PCDH11Y: variants seen among roughly 807,000 people sequenced by gnomAD.
PCDH11Y encodes protocadherin 11 Y-linked.
For synonymous variants in PCDH11Y, 9 were observed against 83.6 expected (o/e 0.11, Z 4.87); for missense variants, 12 against 224.8 (o/e 0.05, Z 6.05).
intron 2 of PCDH11Y, among the ~76,000 whole-genome samples, chrY:5,201,803 T>C: frequency 3.0e-5 from 1 of 33,637 alleles, no homozygotes; most frequent in Non-Finnish European, 7.4e-5. Flanking sequence ...GTCATTGCTG[T>C]AGCATGGTTG....
chrY:5,730,860 CA>C (rs2053603731), intron 4 of PCDH11Y, among the ~76,000 whole-genome samples: 1 of 32,737 alleles, frequency 3.1e-5, no homozygotes, highest in Non-Finnish European at 7.6e-5. Flanking sequence ...GAGATGATCA[CA>C]TTTTTTTTAA....
intron 2 of PCDH11Y, among the ~76,000 whole-genome samples, chrY:5,242,425 TA>T (rs2052989651): frequency 5.5e-4 from 15 of 27,456 alleles, no homozygotes; most frequent in South Asian, 2.5e-3. Flanking sequence ...CCTTCAGATT[TA>T]AAAAAAAAAA....
chrY:5,283,988 A>G, intron 2 of PCDH11Y, among the ~76,000 whole-genome samples: 2 of 32,751 alleles, frequency 6.1e-5, no homozygotes, highest in Non-Finnish European at 1.5e-4. Flanking sequence ...TCTAGGATTC[A>G]GACATAGGTC....
rs2053409240 is a variant in PCDH11Y, at chrY:5,543,051, AG to A, written c.3329-38723del. Among the ~76,000 whole-genome samples, 4 of 34,160 alleles carry A rather than the reference AG, an allele frequency of 1.2e-4. No homozygotes were observed. In the East Asian group the frequency reaches 3.2e-3, roughly 27 times the overall value. 91.6% of individuals were successfully genotyped at this position (34,160 alleles called of 37,273 possible). Reference sequence around the variant, plus strand: ...AAAAATAAGCGCTCTGAGTCTTGGGAGATTCTGTCTGTGTACAAGCATGAAC... The same window carrying A: ...AAAAATAAGCGCTCTGAGTCTTGGGAATTCTGTCTGTGTACAAGCATGAAC... On this transcript the variant is annotated intron_variant, in intron 3 of 4. Transcript: ENST00000400457.
At chrY:5,379,421 G>A (rs1602915436) in intron 2 of PCDH11Y, among the ~76,000 whole-genome samples, 1 of 30,226 alleles carries the variant, frequency 3.3e-5, no homozygotes, top group African/African-American at 1.3e-4. Context: ...GAAACTCTGC[G>A]TAGAGAAAAG....
intron 2 of PCDH11Y, among the ~76,000 whole-genome samples, chrY:5,472,544 T>C: frequency 3.1e-5 from 1 of 32,496 alleles, no homozygotes; most frequent in Non-Finnish European, 7.6e-5. Context: ...TATTTATTTA[T>C]TTTATTCATT....
rs1471143309 is a variant in PCDH11Y, at chrY:5,111,258, C to T, written c.3129+10551C>T. On this transcript the variant is annotated intron_variant, in intron 2 of 4. Transcript: ENST00000400457. Reference sequence around the variant, plus strand: ...GACTATAGTCATGTGCCACCACACCCGGCTAATTTTTGTATTTTTAGTAGA... The same window carrying T: ...GACTATAGTCATGTGCCACCACACCTGGCTAATTTTTGTATTTTTAGTAGA... Among the ~76,000 whole-genome samples the T allele has an allele frequency of 4.0e-4, 13 of 32,751 alleles. No individual in the cohort carries two copies. In the East Asian group the frequency reaches 7.3e-3, roughly 18 times the overall value. 87.9% of individuals were successfully genotyped at this position (32,751 alleles called of 37,273 possible).
At chrY:5,707,042 G>T in intron 4 of PCDH11Y, among the ~76,000 whole-genome samples, 1 of 29,669 alleles carries the variant, frequency 3.4e-5, no homozygotes, top group Non-Finnish European at 8.1e-5. Context: ...TGTGTGAGAG[G>T]CTAATATATT....
chrY:5,479,214 G>C, intron 2 of PCDH11Y, among the ~76,000 whole-genome samples: 6 of 33,468 alleles, frequency 1.8e-4, no homozygotes, highest in Non-Finnish European at 2.9e-4. Context: ...AGGAGCTCTT[G>C]TAAGGCAGGC....
chrY:5,388,901 C>G, intron 2 of PCDH11Y, among the ~76,000 whole-genome samples: 1 of 33,709 alleles, frequency 3.0e-5, no homozygotes, highest in Non-Finnish European at 7.3e-5. Context: ...TCAAATTTAA[C>G]TGACATTTAT....
At chrY:5,512,837 T>C in intron 3 of PCDH11Y, among the ~76,000 whole-genome samples, 1 of 32,964 alleles carries the variant, frequency 3.0e-5, no homozygotes, top group Non-Finnish European at 7.4e-5. Context: ...TTTACCATAC[T>C]GGAGTTTGTA....
At chrY:5,008,853 C>G in intron 1 of PCDH11Y, among the ~76,000 whole-genome samples, 1 of 31,444 alleles carries the variant, frequency 3.2e-5, no homozygotes, top group Non-Finnish European at 7.7e-5. Context: ...CAATGAACAA[C>G]AACAACAACA....
At chrY:5,324,719 G>A (rs2124666188) in intron 2 of PCDH11Y, among the ~76,000 whole-genome samples, 1 of 32,970 alleles carries the variant, frequency 3.0e-5, no homozygotes, top group South Asian at 6.7e-4. Context: ...TTAAAACCAT[G>A]TAACAAAGTA....
intron 4 of PCDH11Y, among the ~76,000 whole-genome samples, chrY:5,689,574 C>T: frequency 3.0e-5 from 1 of 33,366 alleles, no homozygotes; most frequent in African/African-American, 1.2e-4. Flanking sequence ...ACATAAATTA[C>T]TTGATCATAT....
chrY:5,395,581 C>CA (rs2053226154), intron 2 of PCDH11Y, among the ~76,000 whole-genome samples: 3 of 30,573 alleles, frequency 9.8e-5, no homozygotes, highest in Non-Finnish European at 1.6e-4. Context: ...AAAGAGAGCT[C>CA]AAAAAAAAAT....
At chrY:5,118,247 G>A (rs2124639810) in intron 2 of PCDH11Y, among the ~76,000 whole-genome samples, 1 of 32,341 alleles carries the variant, frequency 3.1e-5, no homozygotes, top group Admixed American at 2.9e-4. Flanking sequence ...TATATTTTTT[G>A]AGACAGAGTC....
chrY:5,009,975 C>G, intron 1 of PCDH11Y, among the ~76,000 whole-genome samples: 2 of 33,107 alleles, frequency 6.0e-5, no homozygotes, highest in African/African-American at 1.2e-4. Flanking sequence ...GAGGCTGAGG[C>G]GGGTAGGTCA....
exon 5 of PCDH11Y, chrY:5,737,899 C>A: frequency 2.5e-6 from 1 of 399,164 alleles, no homozygotes; most frequent in Non-Finnish European, 3.5e-6. Context: ...CAGGCCAGAC[C>A]GTCCAGAGGT....
chrY:5,068,542 CTGTGTGTG>C (rs3067360), intron 1 of PCDH11Y, among the ~76,000 whole-genome samples: 1 of 21,774 alleles, frequency 4.6e-5, no homozygotes, highest in Non-Finnish European at 1.0e-4. Flanking sequence ...TTTGTGTCCT[CTGTGTGTG>C]TGTGTGTGTG....
Sources: gnomAD v4.1 joint callset for allele counts (sites outside exome capture counted in the v4.1 genomes callset) on GRCh38, gnomAD v4.1.1 for gene constraint, MANE v1.5 for transcripts, NCBI Gene and HGNC (gene_info 2026-07-23, HGNC 2026-07-21) for gene names.